The following LRRN3 variants were observed in gnomAD, a reference collection of about 807,000 sequenced individuals.
LRRN3 encodes leucine rich repeat neuronal 3.
In LRRN3, 15 loss-of-function variants were observed where a neutral mutation model predicts 40.1. That is an observed-to-expected ratio of 0.37 (90% CI 0.25 to 0.58). The LOEUF (loss-of-function observed/expected upper bound fraction) is 0.58, where lower values mean the gene tolerates loss of function less well. Among genes scored for constraint, LRRN3 ranks in the 20% least tolerant of loss-of-function variants. The probability of loss-of-function intolerance (pLI) is 0.72; values close to 1 mark genes in which losing one functional copy is unlikely to be tolerated. For missense variants in LRRN3, 746 were observed against 837.7 expected (o/e 0.89, Z 1.35); for synonymous variants, 308 against 297.2 (o/e 1.04, Z -0.37).
intron 1 of LRRN3, among the ~76,000 whole-genome samples, chr7:111,095,682 T>C (rs1797326255): frequency 6.6e-6 from 1 of 152,034 alleles, no homozygotes; most frequent in African/African-American, 2.4e-5. Flanking sequence ...GACTCAGCTA[T>C]TGATCATCCA....
In LRRN3 at chr7:111,106,058, G is replaced by T. The variant is rs540281551; in HGVS notation, c.-359+6096G>T. Among the ~76,000 whole-genome samples the T allele has an allele frequency of 8.5e-5, 13 of 152,060 alleles. 1 individual carries two copies. In the East Asian group the frequency reaches 2.5e-3, roughly 29 times the overall value. On this transcript the variant is annotated intron_variant, in intron 2 of 2. Coordinates refer to ENST00000308478, the MANE Select transcript of LRRN3 (RefSeq NM_001099658.2). ...TTAGAAACATATTTGTAATATCACAGTAACACATAACATAGTCTTTTTCCA... is the reference window on the plus strand; with the variant it reads ...TTAGAAACATATTTGTAATATCACATTAACACATAACATAGTCTTTTTCCA...
chr7:111,108,694 A>C (rs958753036), intron 2 of LRRN3, among the ~76,000 whole-genome samples: 2 of 152,150 alleles, frequency 1.3e-5, no homozygotes, highest in East Asian at 3.9e-4. Flanking sequence ...CTGAATTTAA[A>C]AAAAACATAT....
intron 1 of LRRN3, among the ~76,000 whole-genome samples, chr7:111,093,189 G>T (rs1161593307): frequency 6.6e-6 from 1 of 152,178 alleles, no homozygotes. Context: ...TTTAAGAAGA[G>T]GGTTCCTGCT....
Position 111,124,861 on chromosome 7 carries a change from A to C in LRRN3, c.2089A>C (p.Lys697Gln). The C allele has an allele frequency of 6.2e-7, 1 of 1,611,390 alleles. No homozygotes were observed. Among genetic ancestry groups the C allele is most frequent in the South Asian group, 1.1e-5 (1 of 90,904 alleles). ...AGAAAAAAGTACATCACTGAAAGTA[A>C]AAGCAACTGTTATAGGTTTACCAAC... ...GKEKSTSLKV[K>Q]ATVIGLPTNM... The change falls in exon 3 of 3, where the codon AAA becomes CAA. Residue 697 changes from lysine (K) to glutamine (Q), a missense_variant. Transcript: ENST00000308478.
intron 1 of LRRN3, among the ~76,000 whole-genome samples, chr7:111,099,286 C>T (rs1263920736): frequency 2.6e-5 from 4 of 151,440 alleles, no homozygotes; most frequent in Non-Finnish European, 5.9e-5. Flanking sequence ...CACTTTTTTC[C>T]CCTCATGCAT....
At chr7:111,104,394 C>T (rs940705292) in intron 2 of LRRN3, among the ~76,000 whole-genome samples, 1 of 151,816 alleles carries the variant, frequency 6.6e-6, no homozygotes, top group Admixed American at 6.6e-5. Context: ...CCAAACTCTA[C>T]ATTTTGTTCT....
chr7:111,102,200 T>C (rs1441448909), intron 2 of LRRN3, among the ~76,000 whole-genome samples: 1 of 151,580 alleles, frequency 6.6e-6, no homozygotes, highest in East Asian at 1.9e-4. Flanking sequence ...AACCAGGTGA[T>C]TCAATCCTTA....
At position 111,124,436 on chromosome 7, in the gene LRRN3, C is replaced by G; in HGVS notation, c.1664C>G (p.Thr555Arg). The change falls in exon 3 of 3, where the codon ACA becomes AGA. Residue 555 changes from threonine (T) to arginine (R), a missense_variant. By Grantham distance (71) the Thr-to-Arg change is moderately conservative (BLOSUM62 -1). Coordinates refer to ENST00000308478, the MANE Select transcript of LRRN3 (RefSeq NM_001099658.2). ...SKILKSSVKW[T>R]AFVKTENSHA... Reference sequence around the variant, plus strand: ...ATTCTCAAATCTAGTGTTAAATGGACAGCCTTTGTCAAGACTGAAAATTCT... The same window carrying G: ...ATTCTCAAATCTAGTGTTAAATGGAGAGCCTTTGTCAAGACTGAAAATTCT... 6.2e-7 allele frequency: 1 copy of G among 1,613,722 alleles called. No homozygotes were observed. The highest frequency in any genetic ancestry group is 1.1e-5 in the South Asian group (1 of 91,068).
intron 2 of LRRN3, among the ~76,000 whole-genome samples, chr7:111,109,463 A>C (rs983083467): frequency 6.6e-6 from 1 of 152,208 alleles, no homozygotes; most frequent in East Asian, 1.9e-4. Context: ...AGGTCTAGAC[A>C]TGAAGGTGTT....
Position 111,122,734 on chromosome 7 carries a change from C to T in LRRN3, c.-39C>T. ...AACTTACTAGCACTGACTGTGGAAT[C>T]CTTAAGGGCCCATTACATTTCTGAA... On this transcript the variant is annotated 5_prime_UTR_variant, in exon 3 of 3. Coordinates refer to ENST00000308478, the MANE Select transcript of LRRN3 (RefSeq NM_001099658.2). 6.6e-7 allele frequency: 1 copy of T among 1,520,578 alleles called. No homozygotes were observed. Among genetic ancestry groups the T allele is most frequent in the Non-Finnish European group, 9.0e-7 (1 of 1,110,548 alleles). The allele number at this position is 1,520,578 out of a possible 1,614,324, so 94.2% of individuals were successfully genotyped here. A position where few individuals can be genotyped will look rare whatever the true frequency, so the allele number is the denominator to read the frequency against.
intron 1 of LRRN3, among the ~76,000 whole-genome samples, chr7:111,094,695 T>C (rs1355483191): frequency 6.6e-6 from 1 of 152,124 alleles, no homozygotes; most frequent in Non-Finnish European, 1.5e-5. Context: ...GCTCAGGGAA[T>C]TCCTCTCCTC....
chr7:111,094,592 T>G (rs1296795324), intron 1 of LRRN3, among the ~76,000 whole-genome samples: 1 of 152,178 alleles, frequency 6.6e-6, no homozygotes, highest in African/African-American at 2.4e-5. Flanking sequence ...ATCTTGTCAG[T>G]GCTGTCAAAG....
Position 111,123,137 on chromosome 7 carries a change from A to C in LRRN3, c.365A>C (p.Tyr122Ser). ...VKKMPQLLSV[Y>S]LEENKLTELP... is the part of the protein sequence containing the mutation. ...AAGATGCCTCAGCTCCTTTCTGTGT[A>C]CCTAGAGGAAAACAAACTTACTGAA... The change falls in exon 3 of 3, where the codon TAC becomes TCC. Residue 122 changes from tyrosine (Y) to serine (S), a missense_variant. Tyr to Ser is a moderately radical substitution (Grantham distance 144). Transcript: ENST00000308478. This position sits in a 1 kb window ranked among gnomAD's most constrained non-coding sequence, Gnocchi z 6.4. The C allele has an allele frequency of 6.2e-7, 1 of 1,613,812 alleles. No homozygotes were observed. The highest frequency in any genetic ancestry group is 2.2e-5 in the East Asian group (1 of 44,854).
intron 2 of LRRN3, among the ~76,000 whole-genome samples, chr7:111,121,027 CA>C (rs1800545526): frequency 6.6e-6 from 1 of 150,480 alleles, no homozygotes; most frequent in African/African-American, 2.4e-5. Context: ...GAAAATATAA[CA>C]AATAAAATTA....
At chr7:111,091,861 A>AAGAGAGAAGAC (rs771732419) in intron 1 of LRRN3, among the ~76,000 whole-genome samples, 2 of 152,040 alleles carry the variant, frequency 1.3e-5, no homozygotes, top group African/African-American at 4.8e-5. Flanking sequence ...GGAGATGGGG[A>AAGAGAGAAGAC]AGAGAGAAGA....
intron 2 of LRRN3, among the ~76,000 whole-genome samples, chr7:111,116,271 T>C (rs1196885324): frequency 6.6e-6 from 1 of 152,100 alleles, no homozygotes; most frequent in East Asian, 1.9e-4. Flanking sequence ...AAATAAAAGT[T>C]CTTAAACATG....
At chr7:111,122,109 T>C (rs1365957656) in intron 2 of LRRN3, among the ~76,000 whole-genome samples, 1 of 150,092 alleles carries the variant, frequency 6.7e-6, no homozygotes, top group Non-Finnish European at 1.5e-5. Flanking sequence ...CATTAGGAGA[T>C]ATACCTAATG....
intron 2 of LRRN3, among the ~76,000 whole-genome samples, chr7:111,114,327 T>C (rs139555024): frequency 1.3e-5 from 2 of 152,184 alleles, no homozygotes; most frequent in Non-Finnish European, 1.5e-5. Context: ...TCTATCTCTA[T>C]GCCACTGTTT....
chr7:111,108,619 T>C (rs1798818999), intron 2 of LRRN3, among the ~76,000 whole-genome samples: 1 of 152,166 alleles, frequency 6.6e-6, no homozygotes, highest in Non-Finnish European at 1.5e-5. Context: ...TTATGATTCT[T>C]TTTAAACAAT....
Sources: allele counts gnomAD v4.1 joint callset (sites outside exome capture counted in the v4.1 genomes callset), GRCh38; gene constraint gnomAD v4.1.1; non-coding constraint Gnocchi (gnomAD v3.1); transcripts MANE v1.5; gene names NCBI Gene and HGNC (gene_info 2026-07-23, HGNC 2026-07-21).